CADPS2: variants seen among roughly 807,000 people sequenced by gnomAD.
The protein encoded by CADPS2 is calcium-dependent secretion activator 2.
CADPS2 carries 93 observed loss-of-function variants against 172.5 expected under a neutral mutation model. That is an observed-to-expected ratio of 0.54 (90% confidence interval 0.46 to 0.64). The LOEUF is 0.64. CADPS2 is among the 30% of genes least tolerant of loss of function. The pLI is 0.00. For missense variants in CADPS2, 1,420 were observed against 1,565.9 expected, an observed-to-expected ratio of 0.91 and a Z score of 1.57; for synonymous variants, 546 against 555.2, an observed-to-expected ratio of 0.98 and a Z score of 0.23.
chr7:122,468,804 G>A (rs565671645), intron 14 of CADPS2, among the ~76,000 whole-genome samples: 2 of 152,270 alleles, frequency 1.3e-5, no homozygotes, highest in Admixed American at 6.5e-5. Flanking sequence ...GACTGTAAAC[G>A]TCACAGGAAA....
At chr7:122,687,774 T>A (rs888697819) in intron 2 of CADPS2, among the ~76,000 whole-genome samples, 1 of 152,200 alleles carries the variant, frequency 6.6e-6, no homozygotes, top group Admixed American at 6.5e-5. Context: ...TACTACAAAT[T>A]CAGGGAGCCA....
chr7:122,570,981 T>C (rs1015130241), intron 7 of CADPS2, among the ~76,000 whole-genome samples: 2 of 152,016 alleles, frequency 1.3e-5, no homozygotes, highest in Non-Finnish European at 2.9e-5. Flanking sequence ...CATGTATACA[T>C]ATGTAACTAA....
At chr7:122,604,655 C>T (rs571193576) in intron 6 of CADPS2, among the ~76,000 whole-genome samples, 1 of 152,286 alleles carries the variant, frequency 6.6e-6, no homozygotes, top group African/African-American at 2.4e-5. Flanking sequence ...AACCTTTTCT[C>T]ATGCACTTCC....
At chr7:122,482,275 G>T (rs1441700472) in intron 11 of CADPS2, among the ~76,000 whole-genome samples, 1 of 152,042 alleles carries the variant, frequency 6.6e-6, no homozygotes, top group Non-Finnish European at 1.5e-5. Context: ...CTCACCAACC[G>T]CAACCCTACC....
At chr7:122,795,355 T>C (rs1383895622) in intron 1 of CADPS2, among the ~76,000 whole-genome samples, 1 of 152,016 alleles carries the variant, frequency 6.6e-6, no homozygotes, top group Admixed American at 6.6e-5. Flanking sequence ...CTAGAAAATC[T>C]AGAAGAAATG....
At chr7:122,506,218 T>G (rs756755128) in intron 9 of CADPS2, among the ~76,000 whole-genome samples, 1 of 152,340 alleles carries the variant, frequency 6.6e-6, no homozygotes, top group East Asian at 1.9e-4. Context: ...ACGAGCCTAC[T>G]TGTGTATTTC....
At chr7:122,681,907 CA>C (rs2083089825) in intron 2 of CADPS2, among the ~76,000 whole-genome samples, 1 of 151,746 alleles carries the variant, frequency 6.6e-6, no homozygotes, top group Admixed American at 6.6e-5. Context: ...ATTTGAAAAG[CA>C]TAAAGCTTTT....
At chr7:122,486,090 T>G (rs2152285923) in intron 11 of CADPS2, among the ~76,000 whole-genome samples, 1 of 152,224 alleles carries the variant, frequency 6.6e-6, no homozygotes, top group South Asian at 2.1e-4. Context: ...AGAGCTCTGC[T>G]GGAGATGTAC....
intron 15 of CADPS2, among the ~76,000 whole-genome samples, chr7:122,445,030 C>G (rs2051959060): frequency 6.6e-6 from 1 of 152,102 alleles, no homozygotes; most frequent in African/African-American, 2.4e-5. Flanking sequence ...GCAAATTGCC[C>G]TTGAACATTC....
chr7:122,659,532 C>G (rs2080276798), intron 3 of CADPS2, among the ~76,000 whole-genome samples: 1 of 152,020 alleles, frequency 6.6e-6, no homozygotes, highest in Admixed American at 6.6e-5. Flanking sequence ...ATAAACATAT[C>G]TAGAATACCA....
chr7:122,721,358 T>C (rs566532242), intron 2 of CADPS2, among the ~76,000 whole-genome samples: 3 of 151,854 alleles, frequency 2.0e-5, no homozygotes, highest in African/African-American at 7.3e-5. Flanking sequence ...AAAGGGGATA[T>C]CCCCACCGAT....
In CADPS2 at chr7:122,886,355, G is replaced by A; in HGVS notation, c.-18C>T. 1 of 1,489,066 alleles carries A rather than the reference G, an allele frequency of 6.7e-7. No homozygotes were observed. The highest frequency in any genetic ancestry group is 1.3e-5 in the South Asian group (1 of 79,438). 92.2% of individuals were successfully genotyped at this position (1,489,066 alleles called of 1,614,324 possible). A position where few individuals can be genotyped will look rare whatever the true frequency, so the allele number is the denominator to read the frequency against. ...TCCAGCATGGTGCTCGGGGATCCCC[G>A]CCGCTCGGCCCGCGGTCCCCAAGCG... On this transcript the variant is annotated 5_prime_UTR_variant, in exon 1 of 30. Transcript: ENST00000449022.
chr7:122,869,069 T>C (rs1414173442), intron 1 of CADPS2, among the ~76,000 whole-genome samples: 2 of 151,770 alleles, frequency 1.3e-5, no homozygotes, highest in Non-Finnish European at 2.9e-5. Context: ...TGGAACACCA[T>C]CAAGTGAATA....
intron 1 of CADPS2, among the ~76,000 whole-genome samples, chr7:122,737,398 ATT>A (rs971787061): frequency 6.6e-6 from 1 of 152,094 alleles, no homozygotes; most frequent in Non-Finnish European, 1.5e-5. Context: ...TAATTTTTGT[ATT>A]TTTAGTAGAG....
intron 2 of CADPS2, among the ~76,000 whole-genome samples, chr7:122,683,004 C>G (rs1415218247): frequency 6.6e-6 from 1 of 152,216 alleles, no homozygotes; most frequent in Non-Finnish European, 1.5e-5. Context: ...GGAGCAGGCT[C>G]TGTGTGGGCC....
chr7:122,597,215 G>A (rs899750467), intron 6 of CADPS2, among the ~76,000 whole-genome samples: 5 of 152,056 alleles, frequency 3.3e-5, no homozygotes, highest in Admixed American at 3.3e-4. Flanking sequence ...TCATACGTCA[G>A]TTAAACTTTT....
intron 1 of CADPS2, among the ~76,000 whole-genome samples, chr7:122,881,022 A>C (rs1822798580): frequency 6.6e-6 from 1 of 152,208 alleles, no homozygotes; most frequent in African/African-American, 2.4e-5. Flanking sequence ...AAAGTAGCAC[A>C]ATCAGTCAAA....
intron 2 of CADPS2, among the ~76,000 whole-genome samples, chr7:122,668,796 G>A (rs2081457940): frequency 6.6e-6 from 1 of 152,166 alleles, no homozygotes; most frequent in Non-Finnish European, 1.5e-5. Flanking sequence ...TACTGGAGTG[G>A]TGAAGAGGAG....
intron 14 of CADPS2, among the ~76,000 whole-genome samples, chr7:122,465,432 C>G (rs2055006977): frequency 1.3e-5 from 2 of 152,310 alleles, no homozygotes; most frequent in South Asian, 4.1e-4. Context: ...AATCCATGGC[C>G]TGTTTGGAAC....
Sources: gnomAD v4.1 joint callset for allele counts (sites outside exome capture counted in the v4.1 genomes callset) on GRCh38, gnomAD v4.1.1 for gene constraint, MANE v1.5 for transcripts, NCBI Gene and HGNC (gene_info 2026-07-23, HGNC 2026-07-21) for gene names.